Variants in LHFPL3 observed in about 807,000 individuals in gnomAD.
LHFPL3 encodes the protein LHFPL tetraspan subfamily member 3.
In LHFPL3, 5 loss-of-function variants were observed where a neutral mutation model predicts 19.3. The ratio of observed to expected loss-of-function variants is 0.26; its 90% CI spans 0.14 to 0.54. The LOEUF (loss-of-function observed/expected upper bound fraction) is 0.54. Ranked by LOEUF, LHFPL3 falls within the 20% of genes least tolerant of loss-of-function variation. LHFPL3 has a pLI of 0.94. For synonymous variants in LHFPL3, 133 were observed against 126.2 expected (o/e 1.05, Z -0.36); for missense variants, 249 against 307.4 (o/e 0.81, Z 1.42).
At chr7:104,772,036 G>A (rs975377637) in intron 2 of LHFPL3, among the ~76,000 whole-genome samples, 1 of 151,860 alleles carries the variant, frequency 6.6e-6, no homozygotes, top group African/African-American at 2.4e-5. Flanking sequence ...GCCAGGAATG[G>A]TCTCGATCTC....
At chr7:104,590,847 G>C (rs549677844) in intron 1 of LHFPL3, among the ~76,000 whole-genome samples, 1 of 152,300 alleles carries the variant, frequency 6.6e-6, no homozygotes, top group Non-Finnish European at 1.5e-5. Flanking sequence ...TTGTTGAATT[G>C]ATCCCTTTAC....
intron 2 of LHFPL3, among the ~76,000 whole-genome samples, chr7:104,817,266 A>G (rs376183932): frequency 6.6e-6 from 1 of 152,118 alleles, no homozygotes; most frequent in Non-Finnish European, 1.5e-5. Context: ...GGCAGTCAAT[A>G]TTTATGTGTT....
At chr7:104,411,526 C>T (rs116603464) in intron 1 of LHFPL3, among the ~76,000 whole-genome samples, 2,427 of 152,090 alleles carry the variant, frequency 0.016, 60 homozygotes, top group African/African-American at 0.055. Context: ...AGGGCCCTAC[C>T]CTTCTTCCTC....
chr7:104,672,295 C>T (rs1295096625), intron 1 of LHFPL3, among the ~76,000 whole-genome samples: 1 of 152,116 alleles, frequency 6.6e-6, no homozygotes, highest in Non-Finnish European at 1.5e-5. Context: ...TAGGGGTTCA[C>T]ACACCCCCTT....
chr7:104,455,803 G>A (rs1467700717), intron 1 of LHFPL3, among the ~76,000 whole-genome samples: 1 of 152,114 alleles, frequency 6.6e-6, no homozygotes, highest in Non-Finnish European at 1.5e-5. Flanking sequence ...TTCCTTATAA[G>A]ACTGTAGAAA....
At chr7:104,860,077 T>A (rs1367679131) in intron 2 of LHFPL3, among the ~76,000 whole-genome samples, 1 of 152,048 alleles carries the variant, frequency 6.6e-6, no homozygotes, top group Non-Finnish European at 1.5e-5. Context: ...GCTTAAGAAA[T>A]AAAGTACGAC....
At chr7:104,567,269 T>C (rs1270918863) in intron 1 of LHFPL3, among the ~76,000 whole-genome samples, 1 of 152,226 alleles carries the variant, frequency 6.6e-6, no homozygotes, top group African/African-American at 2.4e-5. Context: ...AAAGAACACA[T>C]GTGCCATGGG....
chr7:104,829,387 A>T (rs1208171685), intron 2 of LHFPL3, among the ~76,000 whole-genome samples: 18 of 151,704 alleles, frequency 1.2e-4, no homozygotes, highest in African/African-American at 3.7e-4. Context: ...TGTGCAAATT[A>T]CTTACATATG....
At chr7:104,440,753 G>A (rs559004403) in intron 1 of LHFPL3, among the ~76,000 whole-genome samples, 1 of 152,132 alleles carries the variant, frequency 6.6e-6, no homozygotes, top group African/African-American at 2.4e-5. Context: ...TCTAAGGAAT[G>A]TTGGTTATCT....
At chr7:104,898,006 C>CTTTTTTTTTTTTTTT (rs71155536) in intron 2 of LHFPL3, among the ~76,000 whole-genome samples, 2 of 96,810 alleles carry the variant, frequency 2.1e-5, no homozygotes, top group African/African-American at 4.1e-5. Context: ...AATGTCACCC[C>CTTTTTTTTTTTTTTT]TTTTTTTTTT....
intron 1 of LHFPL3, among the ~76,000 whole-genome samples, chr7:104,644,849 C>A (rs534345116): frequency 7.1e-4 from 108 of 152,230 alleles, no homozygotes; most frequent in Middle Eastern, 3.4e-3. Flanking sequence ...CTACAGGAGG[C>A]CCAAGCTTCA....
At chr7:104,705,431 A>C (rs1166642177) in intron 1 of LHFPL3, among the ~76,000 whole-genome samples, 2 of 152,102 alleles carry the variant, frequency 1.3e-5, no homozygotes, top group Non-Finnish European at 2.9e-5. Flanking sequence ...TTGTAAACTG[A>C]AGATTGTGTT....
intron 1 of LHFPL3, among the ~76,000 whole-genome samples, chr7:104,335,120 T>A (rs1789768881): frequency 6.6e-6 from 1 of 152,156 alleles, no homozygotes; most frequent in Non-Finnish European, 1.5e-5. Context: ...GGGACAGAAC[T>A]GGGATGTACT....
At chr7:104,784,338 T>C (rs1386632839) in intron 2 of LHFPL3, among the ~76,000 whole-genome samples, 1 of 152,194 alleles carries the variant, frequency 6.6e-6, no homozygotes, top group African/African-American at 2.4e-5. Context: ...CAACCAGCAG[T>C]GTGGCCTACT....
At chr7:104,870,723 G>A (rs1359774426) in intron 2 of LHFPL3, among the ~76,000 whole-genome samples, 3 of 152,138 alleles carry the variant, frequency 2.0e-5, no homozygotes, top group African/African-American at 7.2e-5. Flanking sequence ...TTTTCCCCGT[G>A]GACTCTGAGG....
chr7:104,639,192 T>G (rs543259709), intron 1 of LHFPL3, among the ~76,000 whole-genome samples: 1 of 152,204 alleles, frequency 6.6e-6, no homozygotes, highest in Non-Finnish European at 1.5e-5. Flanking sequence ...TGGCTGTGAA[T>G]CCACCTGGTC....
intron 1 of LHFPL3, among the ~76,000 whole-genome samples, chr7:104,458,784 G>A (rs533865051): frequency 7.3e-5 from 11 of 150,786 alleles, no homozygotes; most frequent in African/African-American, 2.2e-4. Context: ...GCCATTCTAC[G>A]CCCTTCTAGG....
intron 1 of LHFPL3, among the ~76,000 whole-genome samples, chr7:104,407,762 T>A (rs1791448998): frequency 6.6e-6 from 1 of 152,170 alleles, no homozygotes; most frequent in Non-Finnish European, 1.5e-5. Flanking sequence ...ACATGATGGG[T>A]AGAGATCAGC....
At chr7:104,430,279 T>A (rs1791933717) in intron 1 of LHFPL3, among the ~76,000 whole-genome samples, 1 of 147,328 alleles carries the variant, frequency 6.8e-6, no homozygotes, top group Non-Finnish European at 1.5e-5. Flanking sequence ...AGACAAGGAC[T>A]TAAGGCAAGG....
Sources: gnomAD v4.1 joint callset for allele counts (sites outside exome capture counted in the v4.1 genomes callset) on GRCh38, gnomAD v4.1.1 for gene constraint, MANE v1.5 for transcripts, NCBI Gene and HGNC (gene_info 2026-07-23, HGNC 2026-07-21) for gene names.